HSD17B12: variants seen among roughly 807,000 people sequenced by gnomAD.
HSD17B12 encodes the protein very-long-chain 3-oxoacyl-CoA reductase.
In HSD17B12, 32 loss-of-function variants were observed where a neutral mutation model predicts 39.3. The observed-to-expected ratio is 0.81, with a 90% CI of 0.61 to 1.09. The LOEUF is 1.09. Among genes scored for constraint, HSD17B12 ranks in the 50% least tolerant of loss-of-function variants. The probability of loss-of-function intolerance (pLI) is 0.00; values close to 1 mark genes in which losing one functional copy is unlikely to be tolerated. For synonymous variants in HSD17B12, 150 were observed against 146.7 expected (o/e 1.02, Z -0.16); for missense variants, 342 against 382.9 (o/e 0.89, Z 0.89).
intron 3 of HSD17B12, among the ~76,000 whole-genome samples, chr11:43,777,744 T>C (rs1212834476): frequency 6.6e-6 from 1 of 152,192 alleles, no homozygotes. Context: ...GCTGTGGGTT[T>C]GTCGTAGATA....
At position 43,710,678 on chromosome 11, in the gene HSD17B12, T is replaced by C. The variant is rs187261915; in HGVS notation, c.160+29691T>C. Among the ~76,000 whole-genome samples the C allele has an allele frequency of 3.7e-3, 559 of 152,348 alleles. 2 individuals carry two copies. Among genetic ancestry groups the C allele is most frequent in the African/African-American group, 0.013 (541 of 41,584 alleles). On this transcript the variant is annotated intron_variant, in intron 1 of 10. Transcript: ENST00000278353. ...ACTGAAGACTTCCTAAAGATTTATATTGAAGATGATTTTTATTAAAATGAA... is the reference window on the plus strand; with the variant it reads ...ACTGAAGACTTCCTAAAGATTTATACTGAAGATGATTTTTATTAAAATGAA...
the HSD17B12 span, among the ~76,000 whole-genome samples, chr11:43,671,253 T>C: frequency 1.3e-5 from 2 of 152,096 alleles, no homozygotes; most frequent in Admixed American, 6.6e-5. Context: ...GTTCAAGCGA[T>C]TCTCCAGCCT....
intron 1 of HSD17B12, among the ~76,000 whole-genome samples, chr11:43,716,430 A>T (rs776404639): frequency 2.6e-4 from 39 of 152,146 alleles, no homozygotes; most frequent in Non-Finnish European, 4.9e-4. Flanking sequence ...AATAATGATA[A>T]AATACTTGAG....
chr11:43,582,450 C>T, the HSD17B12 span, among the ~76,000 whole-genome samples: 2 of 152,210 alleles, frequency 1.3e-5, no homozygotes, highest in African/African-American at 4.8e-5. Flanking sequence ...ACGCTCCCCG[C>T]GCCCTTCGCC....
At chr11:43,697,597 T>A (rs1949923928) in intron 1 of HSD17B12, among the ~76,000 whole-genome samples, 1 of 152,220 alleles carries the variant, frequency 6.6e-6, no homozygotes, top group Non-Finnish European at 1.5e-5. Context: ...TGAACTGAAG[T>A]CTGTCTCCTC....
chr11:43,614,631 A>T, the HSD17B12 span, among the ~76,000 whole-genome samples: 1 of 152,154 alleles, frequency 6.6e-6, no homozygotes, highest in Non-Finnish European at 1.5e-5. Flanking sequence ...CTTTTCTGAC[A>T]CAATTTCTCT....
At chr11:43,661,473 T>A in the HSD17B12 span, among the ~76,000 whole-genome samples, 1 of 152,224 alleles carries the variant, frequency 6.6e-6, no homozygotes, top group African/African-American at 2.4e-5. Context: ...AAAGTGTTCG[T>A]GCAATTTAAC....
intron 3 of HSD17B12, among the ~76,000 whole-genome samples, chr11:43,760,987 A>G (rs1386517292): frequency 6.6e-6 from 1 of 152,212 alleles, no homozygotes; most frequent in African/African-American, 2.4e-5. Flanking sequence ...CTGTAACTGT[A>G]GAGATATTCT....
intron 4 of HSD17B12, among the ~76,000 whole-genome samples, chr11:43,807,667 G>A (rs373676131): frequency 6.6e-6 from 1 of 152,156 alleles, no homozygotes; most frequent in East Asian, 1.9e-4. Flanking sequence ...GAATTGATAG[G>A]AGGAGGCCAG....
At chr11:43,619,247 T>TATATATATATGATATATATATATATAAA in the HSD17B12 span, among the ~76,000 whole-genome samples, 97 of 50,186 alleles carry the variant, frequency 1.9e-3, 1 homozygote, top group South Asian at 5.1e-3. Context: ...ATATATAAAA[T>TATATATATATGATATATATATATATAAA]ATATATATAT....
chr11:43,593,421 C>G, the HSD17B12 span, among the ~76,000 whole-genome samples: 10 of 152,104 alleles, frequency 6.6e-5, no homozygotes, highest in East Asian at 1.7e-3. Context: ...TTTTTTGCCT[C>G]CTTAAAAAGA....
the HSD17B12 span, among the ~76,000 whole-genome samples, chr11:43,628,245 A>C: frequency 6.6e-6 from 1 of 151,984 alleles, no homozygotes; most frequent in Admixed American, 6.6e-5. Flanking sequence ...AAAAACAAAA[A>C]CCAAAAAAAA....
chr11:43,676,568 G>T (rs1476256477), upstream of HSD17B12, among the ~76,000 whole-genome samples: 2 of 152,194 alleles, frequency 1.3e-5, no homozygotes, highest in African/African-American at 4.8e-5. Flanking sequence ...GAATGGTAGA[G>T]TAGGGTTAGG....
intron 4 of HSD17B12, among the ~76,000 whole-genome samples, chr11:43,814,119 A>G (rs894085858): frequency 6.6e-6 from 1 of 152,130 alleles, no homozygotes; most frequent in African/African-American, 2.4e-5. Flanking sequence ...TCATAATTTT[A>G]TTAAACATTG....
the HSD17B12 span, among the ~76,000 whole-genome samples, chr11:43,669,230 G>A: frequency 0.18 from 27,381 of 152,072 alleles, 2,888 homozygotes; most frequent in Middle Eastern, 0.27. Flanking sequence ...GCCAGGCAAG[G>A]TGGCTCACGT....
the HSD17B12 span, among the ~76,000 whole-genome samples, chr11:43,636,052 C>A: frequency 3.3e-5 from 5 of 152,144 alleles, no homozygotes; most frequent in Non-Finnish European, 7.3e-5. Context: ...CAGGTACATG[C>A]CCAAATATTA....
At chr11:43,854,988 C>G in intron 10 of HSD17B12, 124 bp downstream of exon 10, 1 of 1,092,634 alleles carries the variant, frequency 9.2e-7, no homozygotes, top group Non-Finnish European at 1.3e-6. Context: ...AACAAGATAT[C>G]TATATCTTGT....
chr11:43,741,728 CTTTTTCTTTTTT>C (rs979778396), intron 1 of HSD17B12, among the ~76,000 whole-genome samples: 11 of 144,132 alleles, frequency 7.6e-5, no homozygotes, highest in Admixed American at 6.9e-4. Flanking sequence ...TTTTCTTTTT[CTTTTTCTTTTTT>C]TTTTTTTTTT....
intron 1 of HSD17B12, among the ~76,000 whole-genome samples, chr11:43,690,357 CATACATATATATAT>C (rs1287737612): frequency 3.4e-4 from 25 of 74,068 alleles, no homozygotes; most frequent in African/African-American, 1.4e-3. Context: ...GTAAGGTATT[CATACATATATATAT>C]ATATATATAT....
Sources: gnomAD v4.1 joint callset for allele counts (sites outside exome capture counted in the v4.1 genomes callset) on GRCh38, gnomAD v4.1.1 for gene constraint, MANE v1.5 for transcripts, NCBI Gene and HGNC (gene_info 2026-07-23, HGNC 2026-07-21) for gene names.